Variants in POTEG observed in about 807,000 individuals in gnomAD.
The protein encoded by POTEG is POTE ankyrin domain family member G.
In POTEG, 2 loss-of-function variants were observed where a neutral mutation model predicts 49.6. That is an observed-to-expected ratio of 0.04 (90% CI 0.02 to 0.13). POTEG has a LOEUF of 0.13. Among genes scored for constraint, POTEG ranks in the 10% least tolerant of loss-of-function variants. POTEG has a pLI of 1.00. For missense variants in POTEG, 26 were observed against 545.2 expected (o/e 0.05, Z 9.48); for synonymous variants, 7 against 186.6 (o/e 0.04, Z 7.84).
chr14:19,409,928 G>A (rs1191330686), intron 9 of POTEG, among the ~76,000 whole-genome samples: 2 of 127,406 alleles, frequency 1.6e-5, no homozygotes, highest in African/African-American at 5.1e-5. Context: ...CAGAGCAAAA[G>A]AGATAAGAAA....
intron 1 of POTEG, among the ~76,000 whole-genome samples, chr14:19,432,568 C>T (rs1459062866): frequency 1.2e-5 from 1 of 82,932 alleles, no homozygotes; most frequent in Middle Eastern, 6.0e-3. Flanking sequence ...TTAATCTATA[C>T]TCTGATTTTT....
In POTEG at chr14:19,402,643, G is replaced by GT. The variant is rs1883239954; in HGVS notation, c.*467dup. 1 of 893,520 alleles carries GT rather than the reference G, an allele frequency of 1.1e-6. No homozygotes were observed. The highest frequency in any genetic ancestry group is 1.7e-6 in the Non-Finnish European group (1 of 603,218). 55.3% of individuals were successfully genotyped at this position (893,520 alleles called of 1,614,324 possible). On this transcript the variant is annotated 3_prime_UTR_variant, in exon 11 of 11. Transcript: ENST00000547848. ...AGCCACACGCAGCTCATTGTAGAAGGTGTGGTGCCAGATCTTCTCCATGTC... is the reference window on the plus strand; with the variant it reads ...AGCCACACGCAGCTCATTGTAGAAGGTTGTGGTGCCAGATCTTCTCCATGTC...
At chr14:19,431,085 A>G (rs1238105225) in intron 1 of POTEG, among the ~76,000 whole-genome samples, 2 of 151,508 alleles carry the variant, frequency 1.3e-5, no homozygotes, top group African/African-American at 4.8e-5. Context: ...ACCTAAACTA[A>G]AAGTTCAGAT....
In POTEG at chr14:19,414,896, A is replaced by G. The variant is rs373523668; in HGVS notation, c.1198-290T>C. 5.5e-5 allele frequency among the ~76,000 whole-genome samples: 7 copies of G among 127,040 alleles called. No homozygotes were observed. In the East Asian group the frequency reaches 1.6e-3, roughly 29 times the overall value. 83.3% of individuals were successfully genotyped at this position (127,040 alleles called of 152,430 possible). ...ATGAACCAGCAAACTTAACTTGGTC[A>G]CTATTTGTTCGGACTAAACTTAACT... On this transcript the variant is annotated intron_variant, in intron 7 of 10. Coordinates refer to ENST00000547848, the MANE Select transcript of POTEG (RefSeq NM_001005356.3).
At chr14:19,433,144 G>A (rs1487503952) in intron 1 of POTEG, among the ~76,000 whole-genome samples, 59 of 147,074 alleles carry the variant, frequency 4.0e-4, no homozygotes, top group Non-Finnish European at 3.3e-4. Flanking sequence ...AGCCAGGATG[G>A]TCTCGATCTC....
chr14:19,432,543 G>T (rs2139184163), intron 1 of POTEG, among the ~76,000 whole-genome samples: 1 of 90,486 alleles, frequency 1.1e-5, no homozygotes, highest in Non-Finnish European at 2.2e-5. Context: ...TTCTCTTTTT[G>T]TATATTTAAA....
chr14:19,432,366 GTATATATATATA>G lies in POTEG; in HGVS notation c.521+1391_521+1402del, dbSNP rs58599371. Among the ~76,000 whole-genome samples, 207 of 37,868 alleles carry G rather than the reference GTATATATATATA, an allele frequency of 5.5e-3. 4 individuals are homozygous for G. Among genetic ancestry groups the G allele is most frequent in the African/African-American group, 0.023 (192 of 8,342 alleles). The allele number at this position is 37,868 out of a possible 152,430, so 24.8% of individuals were successfully genotyped here. The stretch of plus-strand genomic sequence containing the variant: ...CCATCAAAAAAAAAAAAGAAATTTT[GTATATATATATA>G]TATATATATATATATATATATATAT... On this transcript the variant is annotated intron_variant, in intron 1 of 10. Transcript: ENST00000547848.
intron 1 of POTEG, among the ~76,000 whole-genome samples, chr14:19,433,201 A>G (rs1268574291): frequency 6.9e-6 from 1 of 145,932 alleles, no homozygotes; most frequent in East Asian, 2.0e-4. Flanking sequence ...TGCTGGGATT[A>G]CAGGTGTGAG....
At chr14:19,426,589 G>A (rs1316282897) in intron 3 of POTEG, 2 of 380,892 alleles carry the variant, frequency 5.3e-6, no homozygotes, top group African/African-American at 4.3e-5. Flanking sequence ...AACTACTAAA[G>A]ACCTTCTGAA....
At chr14:19,433,441 C>T (rs1449193152) in intron 1 of POTEG, among the ~76,000 whole-genome samples, 2 of 63,404 alleles carry the variant, frequency 3.2e-5, no homozygotes, top group African/African-American at 1.3e-4. Context: ...TCTCAATATA[C>T]ACTTTTTTAA....
rs1378401866 is a variant in POTEG, at chr14:19,418,579, G to A, written c.1127-2221C>T. Reference sequence around the variant, plus strand: ...TGACAAGTCTTATTAGTGAGAGTCAGACTACTAGGATGCAAGTTACAAATG... The same window carrying A: ...TGACAAGTCTTATTAGTGAGAGTCAAACTACTAGGATGCAAGTTACAAATG... On this transcript the variant is annotated intron_variant, in intron 6 of 10. Coordinates refer to ENST00000547848, the MANE Select transcript of POTEG (RefSeq NM_001005356.3). Among the ~76,000 whole-genome samples, 9 of 50,368 alleles carry A rather than the reference G, an allele frequency of 1.8e-4. No homozygotes were observed. The South Asian group carries it at 3.2e-3, about 18-fold the overall frequency. 33.0% of individuals were successfully genotyped at this position (50,368 alleles called of 152,430 possible). A position where few individuals can be genotyped will look rare whatever the true frequency, so the allele number is the denominator to read the frequency against.
At chr14:19,432,364 T>TTTATTTATATATATATA (rs1566383045) in intron 1 of POTEG, among the ~76,000 whole-genome samples, 3 of 42,950 alleles carry the variant, frequency 7.0e-5, no homozygotes, top group Admixed American at 3.1e-4. Flanking sequence ...AAAAGAAATT[T>TTTATTTATATATATATA]TGTATATATA....
chr14:19,414,300 T>A (rs1189015069), intron 8 of POTEG, among the ~76,000 whole-genome samples: 9 of 144,924 alleles, frequency 6.2e-5, no homozygotes, highest in African/African-American at 2.2e-4. Flanking sequence ...GATAAAATTA[T>A]TGATCCAAAG....
intron 7 of POTEG, among the ~76,000 whole-genome samples, chr14:19,415,654 A>T (rs1883526432): frequency 6.6e-6 from 1 of 151,176 alleles, no homozygotes; most frequent in Non-Finnish European, 1.5e-5. Flanking sequence ...CCAAAAGGAA[A>T]GATTAGCTAT....
rs1491555758 is a variant in POTEG, at chr14:19,415,829, A to ATATTCTTTTTTTTTTTTTTTTTTTTTT, written c.1197+458_1197+459insAAAAAAAAAAAAAAAAAAAAAAGAATA. ...CAATAAATTTTAAGAATCTATTAAA[A>ATATTCTTTTTTTTTTTTTTTTTTTTTT]TTTTTTTTTTTTTTTTTTTTTTTTT... On this transcript the variant is annotated intron_variant, in intron 7 of 10. Coordinates refer to ENST00000547848, the MANE Select transcript of POTEG (RefSeq NM_001005356.3). 2.1e-5 allele frequency among the ~76,000 whole-genome samples: 2 copies of ATATTCTTTTTTTTTTTTTTTTTTTTTT among 96,700 alleles called. 1 individual carries two copies. The allele number at this position is 96,700 out of a possible 152,430, so 63.4% of individuals were successfully genotyped here. A position where few individuals can be genotyped will look rare whatever the true frequency, so the allele number is the denominator to read the frequency against.
chr14:19,433,100 A>G (rs1884228237), intron 1 of POTEG, among the ~76,000 whole-genome samples: 1 of 145,026 alleles, frequency 6.9e-6, no homozygotes, highest in South Asian at 2.2e-4. Flanking sequence ...AATTTTTTTT[A>G]TATTTTTTAG....
At chr14:19,432,746 T>C (rs1884213146) in intron 1 of POTEG, among the ~76,000 whole-genome samples, 1 of 83,506 alleles carries the variant, frequency 1.2e-5, no homozygotes, top group Non-Finnish European at 2.3e-5. Context: ...CAGCTGTTAG[T>C]AAACAATTTG....
chr14:19,429,547 ATT>A (rs1210204951), intron 1 of POTEG, among the ~76,000 whole-genome samples: 1 of 129,780 alleles, frequency 7.7e-6, no homozygotes, highest in African/African-American at 2.7e-5. Flanking sequence ...TGAGATGATC[ATT>A]GTCTCCATGT....
chr14:19,424,774 G>C lies in POTEG; in HGVS notation c.918-472C>G, dbSNP rs1157767628. 2.3e-3 allele frequency: 107 copies of C among 46,364 alleles called. 21 individuals carry two copies. Among genetic ancestry groups the C allele is most frequent in the African/African-American group, 6.3e-3 (92 of 14,528 alleles). 2.9% of individuals were successfully genotyped at this position (46,364 alleles called of 1,614,324 possible). ...TAATGATGCCAATAAGCATGTGCTA[G>C]GCACTGAATTAAATGCCACATATAT... On this transcript the variant is annotated intron_variant, in intron 4 of 10. Transcript: ENST00000547848.
Sources: allele counts gnomAD v4.1 joint callset (sites outside exome capture counted in the v4.1 genomes callset), GRCh38; gene constraint gnomAD v4.1.1; transcripts MANE v1.5; gene names NCBI Gene and HGNC (gene_info 2026-07-23, HGNC 2026-07-21).